Variants in FAM89A observed in about 807,000 individuals in gnomAD.
FAM89A encodes the protein family with sequence similarity 89 member A, also known as protein FAM89A.
A neutral mutation model predicts 7.1 loss-of-function variants in FAM89A; 10 were observed. That is an observed-to-expected ratio of 1.40 (90% CI 0.86 to 2.38). FAM89A has a LOEUF of 2.38. FAM89A is among the 30% of genes most tolerant of loss of function. The probability of loss-of-function intolerance (pLI) is 0.00; values close to 1 mark genes in which losing one functional copy is unlikely to be tolerated. For missense variants in FAM89A, 276 were observed against 262.8 expected, an observed-to-expected ratio of 1.05 and a Z score of -0.35; for synonymous variants, 157 against 129.3, an observed-to-expected ratio of 1.21 and a Z score of -1.45.
At chr1:231,029,048 G>C (rs753345358) in intron 1 of FAM89A, among the ~76,000 whole-genome samples, 5 of 152,210 alleles carry the variant, frequency 3.3e-5, no homozygotes. Context: ...GCATGGGGGA[G>C]AGAGTTCTTC....
chr1:231,037,150 C>T (rs921791071), intron 1 of FAM89A, among the ~76,000 whole-genome samples: 2 of 152,220 alleles, frequency 1.3e-5, no homozygotes, highest in African/African-American at 4.8e-5. Context: ...GCCAAAGAGA[C>T]CTGGTAGGGT....
intron 1 of FAM89A, chr1:231,028,785 T>C (rs1680017888): frequency 6.6e-6 from 1 of 152,286 alleles, no homozygotes. Flanking sequence ...TCCTGCTTCC[T>C]TCCTGATCAT....
chr1:231,034,951 GAC>G (rs1282846023), intron 1 of FAM89A, among the ~76,000 whole-genome samples: 1 of 152,124 alleles, frequency 6.6e-6, no homozygotes, highest in Non-Finnish European at 1.5e-5. Context: ...AGTGAAAACA[GAC>G]AGTATTAAAG....
chr1:231,028,352 T>A (rs1459618394), intron 1 of FAM89A: 1 of 152,228 alleles, frequency 6.6e-6, no homozygotes, highest in Admixed American at 6.5e-5. Flanking sequence ...TCAGTCTCTC[T>A]ACACTGAAGG....
chr1:231,030,865 T>C (rs561965686), intron 1 of FAM89A, among the ~76,000 whole-genome samples: 1 of 152,188 alleles, frequency 6.6e-6, no homozygotes, highest in East Asian at 1.9e-4. Context: ...ATTCCAGCAC[T>C]GTGGGAGGAC....
chr1:231,036,040 G>A (rs577116646), intron 1 of FAM89A, among the ~76,000 whole-genome samples: 67 of 152,288 alleles, frequency 4.4e-4, no homozygotes, highest in African/African-American at 1.5e-3. Context: ...CACTGTTAGA[G>A]GCCAGGTTCC....
intron 1 of FAM89A, among the ~76,000 whole-genome samples, chr1:231,033,331 A>G (rs1011857067): frequency 4.6e-5 from 7 of 152,238 alleles, no homozygotes; most frequent in Non-Finnish European, 7.3e-5. Context: ...CCTCCACAGC[A>G]TTATGAAAAG....
intron 1 of FAM89A, among the ~76,000 whole-genome samples, chr1:231,038,663 T>C (rs1185492385): frequency 1.3e-5 from 2 of 152,218 alleles, no homozygotes; most frequent in Non-Finnish European, 2.9e-5. Context: ...TCAGTGAGAA[T>C]TGGAAATCAC....
chr1:231,038,170 A>G (rs923843449), intron 1 of FAM89A, among the ~76,000 whole-genome samples: 1 of 152,218 alleles, frequency 6.6e-6, no homozygotes, highest in African/African-American at 2.4e-5. Context: ...CTGCAGCCAT[A>G]TCTTATCTTT....
At chr1:231,039,833 G>C (rs1041500667) in intron 1 of FAM89A, 88 bp downstream of exon 1, 170 of 1,203,728 alleles carry the variant, frequency 1.4e-4, no homozygotes, top group Non-Finnish European at 1.7e-4. Context: ...TGGGCGCGGG[G>C]ACTTCCGGAC....
intron 1 of FAM89A, 142 bp downstream of exon 1, chr1:231,039,779 A>C: frequency 6.2e-6 from 5 of 810,668 alleles, no homozygotes; most frequent in Non-Finnish European, 6.7e-6. Context: ...GGTCGTTGGG[A>C]GGACGGCGCC....
chr1:231,025,047 C>A (rs368408354), intron 1 of FAM89A, among the ~76,000 whole-genome samples: 1 of 151,592 alleles, frequency 6.6e-6, no homozygotes, highest in East Asian at 1.9e-4. Flanking sequence ...CTCAGCCTCC[C>A]GAGTAGCTGG....
At chr1:231,031,891 T>C (rs904880071) in intron 1 of FAM89A, among the ~76,000 whole-genome samples, 1 of 151,944 alleles carries the variant, frequency 6.6e-6, no homozygotes, top group Non-Finnish European at 1.5e-5. Context: ...CATTATCCAC[T>C]TGTGTGGATG....
At chr1:231,024,914 CTTTTTTTTTTTTT>C (rs60500715) in intron 1 of FAM89A, among the ~76,000 whole-genome samples, 3 of 63,410 alleles carry the variant, frequency 4.7e-5, no homozygotes, top group African/African-American at 1.3e-4. Context: ...CACAACTACT[CTTTTTTTTTTTTT>C]TTTTTTTTTT....
At chr1:231,028,042 A>G (rs558745779) in intron 1 of FAM89A, among the ~76,000 whole-genome samples, 11 of 152,344 alleles carry the variant, frequency 7.2e-5, no homozygotes, top group Admixed American at 2.0e-4. Context: ...AGACAGGCAG[A>G]TATTTGGTGA....
In FAM89A at chr1:231,040,213, G is replaced by T. The variant is rs1680240888; in HGVS notation, c.-2C>A. On this transcript the variant is annotated 5_prime_UTR_variant, in exon 1 of 2. Transcript: ENST00000366654. Reference sequence around the variant, plus strand: ...GGGCGCCGCCCGGGCCCCACTCATCGCGCCGCGGCCCGGCCACGCGCCTGC... The same window carrying T: ...GGGCGCCGCCCGGGCCCCACTCATCTCGCCGCGGCCCGGCCACGCGCCTGC... 5 of 1,061,892 alleles carry T rather than the reference G, an allele frequency of 4.7e-6. No individual in the cohort carries two copies. The African/African-American group carries it at 6.8e-5, about 15-fold the overall frequency. The allele number at this position is 1,061,892 out of a possible 1,614,324, so 65.8% of individuals were successfully genotyped here.
At chr1:231,036,526 G>A (rs999672688) in intron 1 of FAM89A, among the ~76,000 whole-genome samples, 1 of 152,150 alleles carries the variant, frequency 6.6e-6, no homozygotes, top group South Asian at 2.1e-4. Context: ...GGGAGGGGAC[G>A]AGGACTTACG....
chr1:231,032,381 C>T (rs1680088727), intron 1 of FAM89A, among the ~76,000 whole-genome samples: 1 of 122,090 alleles, frequency 8.2e-6, no homozygotes, highest in African/African-American at 3.0e-5. Flanking sequence ...ACCCCGCCCC[C>T]GCCAGCCCCC....
rs1260926800 is a variant in FAM89A, at chr1:231,018,969, A to AT, written c.*893dup. The AT allele has an allele frequency of 3.3e-5, 5 of 152,230 alleles. No individual in the cohort carries two copies. Among genetic ancestry groups the AT allele is most frequent in the African/African-American group, 1.2e-4 (5 of 41,450 alleles). 9.4% of individuals were successfully genotyped at this position (152,230 alleles called of 1,614,324 possible). On this transcript the variant is annotated 3_prime_UTR_variant, in exon 2 of 2. Coordinates refer to ENST00000366654, the MANE Select transcript of FAM89A (RefSeq NM_198552.3). Reference sequence around the variant, plus strand: ...TAACACATGACACAGATAGTTTAGCATTTTATCCTCATTTTTAACCTACAA... The same window carrying AT: ...TAACACATGACACAGATAGTTTAGCATTTTTATCCTCATTTTTAACCTACAA...
Sources: allele counts gnomAD v4.1 joint callset (sites outside exome capture counted in the v4.1 genomes callset), GRCh38; gene constraint gnomAD v4.1.1; transcripts MANE v1.5; gene names NCBI Gene and HGNC (gene_info 2026-07-23, HGNC 2026-07-21).